The following ADAM2 variants were observed in gnomAD, a reference collection of about 807,000 sequenced individuals.
ADAM2 encodes the protein ADAM metallopeptidase domain 2.
A neutral mutation model predicts 99.3 loss-of-function variants in ADAM2; 101 were observed. The ratio of observed to expected loss-of-function variants is 1.02; its 90% CI spans 0.87 to 1.20. The LOEUF is 1.20. ADAM2 is among the 50% of genes most tolerant of loss of function. ADAM2 has a pLI of 0.00. For missense variants in ADAM2, 948 were observed against 878.7 expected (o/e 1.08, Z -1.00); for synonymous variants, 323 against 287.6 (o/e 1.12, Z -1.25).
At chr8:39,768,512 T>C (rs893500693) in intron 12 of ADAM2, among the ~76,000 whole-genome samples, 1 of 152,098 alleles carries the variant, frequency 6.6e-6, no homozygotes, top group Non-Finnish European at 1.5e-5. Context: ...TTGAGAAAAC[T>C]AGCTCTTCTT....
At chr8:39,798,194 T>C (rs928216296) in intron 7 of ADAM2, among the ~76,000 whole-genome samples, 2 of 152,220 alleles carry the variant, frequency 1.3e-5, no homozygotes, top group Admixed American at 6.5e-5. Flanking sequence ...ATAGCTCTTA[T>C]TATTTTGAGA....
intron 16 of ADAM2, among the ~76,000 whole-genome samples, chr8:39,752,572 GGA>G (rs1423412742): frequency 1.3e-5 from 2 of 152,178 alleles, no homozygotes; most frequent in African/African-American, 4.8e-5. Flanking sequence ...AATCTCAGAT[GGA>G]AAGAAGCAGT....
chr8:39,748,494 G>C (rs1823563934), intron 18 of ADAM2, among the ~76,000 whole-genome samples: 1 of 152,032 alleles, frequency 6.6e-6, no homozygotes, highest in Non-Finnish European at 1.5e-5. Flanking sequence ...CCAGATACTG[G>C]AATTAATAAC....
At chr8:39,810,881 A>G (rs1478065261) in intron 6 of ADAM2, among the ~76,000 whole-genome samples, 1 of 152,196 alleles carries the variant, frequency 6.6e-6, no homozygotes, top group African/African-American at 2.4e-5. Context: ...AGAACTAGAG[A>G]AGCAAGAGCA....
intron 16 of ADAM2, among the ~76,000 whole-genome samples, chr8:39,753,770 C>T (rs557749153): frequency 1.3e-5 from 2 of 151,998 alleles, no homozygotes; most frequent in African/African-American, 4.8e-5. Context: ...AAATCCATTA[C>T]CTCCTTAAAG....
Position 39,764,242 on chromosome 8 carries a change from C to CA in ADAM2, c.1507+2605dup, listed in dbSNP as rs1407080916. 4.6e-5 allele frequency among the ~76,000 whole-genome samples: 7 copies of CA among 151,856 alleles called. No homozygotes were observed. The South Asian group carries it at 8.3e-4, about 18-fold the overall frequency. On this transcript the variant is annotated intron_variant, in intron 14 of 20. Transcript: ENST00000265708. ...GCAACACAGCAAGACCTCACCTCTACAAAAAAAGAAAAAGAAAAAATAGTG... is the reference window on the plus strand; with the variant it reads ...GCAACACAGCAAGACCTCACCTCTACAAAAAAAAGAAAAAGAAAAAATAGTG...
chr8:39,770,187 T>C (rs1006951422), intron 11 of ADAM2, among the ~76,000 whole-genome samples: 1 of 152,114 alleles, frequency 6.6e-6, no homozygotes, highest in Non-Finnish European at 1.5e-5. Flanking sequence ...GACCTCGTGA[T>C]TCGCCCACCT....
chr8:39,757,083 A>G (rs1802176372), intron 15 of ADAM2, among the ~76,000 whole-genome samples: 1 of 152,330 alleles, frequency 6.6e-6, no homozygotes, highest in African/African-American at 2.4e-5. Context: ...TCTACTTTAA[A>G]ACATCTAATT....
At chr8:39,770,522 C>T (rs1450601502) in intron 11 of ADAM2, among the ~76,000 whole-genome samples, 1 of 152,138 alleles carries the variant, frequency 6.6e-6, no homozygotes, top group Non-Finnish European at 1.5e-5. Context: ...GACTCTGTGG[C>T]CAATCAAAAC....
intron 3 of ADAM2, among the ~76,000 whole-genome samples, chr8:39,829,061 T>C (rs1322580958): frequency 6.6e-6 from 1 of 151,848 alleles, no homozygotes; most frequent in Non-Finnish European, 1.5e-5. Context: ...TACTGAAACA[T>C]TTGAAAAATC....
At chr8:39,758,938 A>G (rs1802252531) in intron 15 of ADAM2, among the ~76,000 whole-genome samples, 1 of 152,160 alleles carries the variant, frequency 6.6e-6, no homozygotes, top group African/African-American at 2.4e-5. Flanking sequence ...AAATAAAAAT[A>G]TAGAAGTGAC....
At chr8:39,750,611 A>C (rs559667480) in intron 16 of ADAM2, among the ~76,000 whole-genome samples, 6 of 152,266 alleles carry the variant, frequency 3.9e-5, no homozygotes, top group African/African-American at 1.4e-4. Flanking sequence ...ATACAATGAA[A>C]TTGAGTGGTA....
intron 15 of ADAM2, among the ~76,000 whole-genome samples, chr8:39,758,786 C>T (rs1802246211): frequency 6.6e-6 from 1 of 151,988 alleles, no homozygotes; most frequent in Middle Eastern, 3.4e-3. Flanking sequence ...TTGAAAAGGA[C>T]ACATTAACCA....
At chr8:39,761,607 CTT>C (rs1802373251) in intron 14 of ADAM2, among the ~76,000 whole-genome samples, 1 of 152,182 alleles carries the variant, frequency 6.6e-6, no homozygotes, top group African/African-American at 2.4e-5. Flanking sequence ...ACATAATTGA[CTT>C]ATTTGTCAAA....
chr8:39,744,980 C>T (rs1432292191), intron 19 of ADAM2, 87 bp from the exon 20 acceptor site: 3 of 1,094,176 alleles, frequency 2.7e-6, no homozygotes, highest in East Asian at 2.4e-5. Flanking sequence ...TGAAACAGTT[C>T]TGAATTTTTA....
intron 16 of ADAM2, among the ~76,000 whole-genome samples, chr8:39,753,662 T>C (rs28664956): frequency 0.025 from 3,838 of 152,264 alleles, 160 homozygotes; most frequent in African/African-American, 0.087. Context: ...CTTGGCACCC[T>C]GCATCCCAGC....
intron 10 of ADAM2, among the ~76,000 whole-genome samples, chr8:39,779,455 A>G (rs537583554): frequency 7.6e-4 from 115 of 152,258 alleles, no homozygotes; most frequent in Middle Eastern, 3.4e-3. Context: ...AGGCTTCAAC[A>G]TATGAATTCG....
intron 3 of ADAM2, among the ~76,000 whole-genome samples, chr8:39,828,017 G>T (rs1272420289): frequency 6.6e-6 from 1 of 151,450 alleles, no homozygotes; most frequent in Non-Finnish European, 1.5e-5. Flanking sequence ...TAGCTGGAAG[G>T]GGAAGACTAT....
chr8:39,817,125 T>G (rs906333223), intron 6 of ADAM2, among the ~76,000 whole-genome samples: 3 of 151,932 alleles, frequency 2.0e-5, no homozygotes, highest in Non-Finnish European at 4.4e-5. Flanking sequence ...GATTAAATCC[T>G]TGAAAAAAAT....
Sources: allele counts gnomAD v4.1 joint callset (sites outside exome capture counted in the v4.1 genomes callset), GRCh38; gene constraint gnomAD v4.1.1; transcripts MANE v1.5; gene names NCBI Gene and HGNC (gene_info 2026-07-23, HGNC 2026-07-21).